FBXL13: variants seen among roughly 807,000 people sequenced by gnomAD.
The protein encoded by FBXL13 is F-box and leucine-rich repeat protein 13.
FBXL13 carries 67 observed loss-of-function variants against 83.6 expected under a neutral mutation model. The ratio of observed to expected loss-of-function variants is 0.80; its 90% CI spans 0.66 to 0.98. The LOEUF (loss-of-function observed/expected upper bound fraction) is 0.98. Among genes scored for constraint, FBXL13 ranks in the 50% least tolerant of loss-of-function variants. The pLI, the probability that FBXL13 is intolerant of heterozygous loss-of-function variation, is 0.00. For synonymous variants in FBXL13, 272 were observed against 299.5 expected (o/e 0.91, Z 0.95); for missense variants, 822 against 866.5 (o/e 0.95, Z 0.64).
At chr7:103,027,686 A>G in intron 4 of FBXL13, 128 bp from the exon 6 acceptor site, 3 of 534,692 alleles carry the variant, frequency 5.6e-6, no homozygotes. Flanking sequence ...GTTTGGTCTT[A>G]TTTACACTTG....
intron 8 of FBXL13, among the ~76,000 whole-genome samples, chr7:102,953,092 C>A (rs1190363916): frequency 6.6e-6 from 1 of 152,090 alleles, no homozygotes; most frequent in Non-Finnish European, 1.5e-5. Flanking sequence ...AACTTTAAAC[C>A]AAACATTAAT....
At chr7:102,887,416 C>CAT (rs558532003) in intron 11 of FBXL13, among the ~76,000 whole-genome samples, 2 of 108,608 alleles carry the variant, frequency 1.8e-5, no homozygotes, top group Non-Finnish European at 3.8e-5. Flanking sequence ...TACATACATA[C>CAT]ACACACACAC....
At chr7:102,879,439 A>ATATGTGTG (rs1554433894) in intron 14 of FBXL13, among the ~76,000 whole-genome samples, 1 of 144,698 alleles carries the variant, frequency 6.9e-6, no homozygotes, top group Admixed American at 6.9e-5. Flanking sequence ...GCAGTTAAGG[A>ATATGTGTG]TGTGTGTGTG....
chr7:102,890,339 A>G (rs962556926), intron 11 of FBXL13, among the ~76,000 whole-genome samples: 1 of 152,204 alleles, frequency 6.6e-6, no homozygotes. Flanking sequence ...GTTTGGTTGT[A>G]AAGTGATTTT....
chr7:102,974,036 G>A (rs1827121150), intron 6 of FBXL13, among the ~76,000 whole-genome samples: 1 of 152,098 alleles, frequency 6.6e-6, no homozygotes, highest in Non-Finnish European at 1.5e-5. Context: ...CCTACCCTCA[G>A]TTATGGGAAA....
At chr7:102,854,713 A>AAAAAAAAG in intron 17 of FBXL13, 64 bp downstream of exon 18, 1 of 1,016,058 alleles carries the variant, frequency 9.8e-7, no homozygotes, top group East Asian at 2.9e-5. Context: ...TATTCATTGG[A>AAAAAAAAG]AAAAAAAGAA....
At chr7:103,042,057 T>C (rs1288504818) in intron 2 of FBXL13, among the ~76,000 whole-genome samples, 5 of 152,180 alleles carry the variant, frequency 3.3e-5, no homozygotes, top group African/African-American at 9.7e-5. Context: ...ATGACACGAC[T>C]GTATATTTAG....
intron 2 of FBXL13, among the ~76,000 whole-genome samples, chr7:103,053,174 A>G (rs1300925032): frequency 6.7e-6 from 1 of 150,368 alleles, no homozygotes; most frequent in African/African-American, 2.4e-5. Flanking sequence ...TTTTGAGACG[A>G]AGTCTTGCTC....
intron 2 of FBXL13, among the ~76,000 whole-genome samples, chr7:103,042,192 G>C (rs1795786927): frequency 6.6e-6 from 1 of 152,086 alleles, no homozygotes; most frequent in African/African-American, 2.4e-5. Context: ...GACAAACAGA[G>C]AGCCAAATCA....
intron 7 of FBXL13, among the ~76,000 whole-genome samples, chr7:102,966,044 T>G (rs915102969): frequency 1.2e-4 from 18 of 152,196 alleles, no homozygotes; most frequent in Non-Finnish European, 2.9e-5. Context: ...CTTCATAAGT[T>G]AACTCAACAT....
intron 6 of FBXL13, among the ~76,000 whole-genome samples, chr7:102,994,172 T>C (rs1285924013): frequency 6.6e-6 from 1 of 152,164 alleles, no homozygotes; most frequent in Non-Finnish European, 1.5e-5. Flanking sequence ...GTTTATATGC[T>C]ATTATATAAA....
chr7:102,852,587 A>T (rs1010539976), intron 17 of FBXL13, among the ~76,000 whole-genome samples: 1 of 152,196 alleles, frequency 6.6e-6, no homozygotes, highest in Non-Finnish European at 1.5e-5. Flanking sequence ...ATGAAAAAAA[A>T]TGCTCAACAT....
chr7:102,951,381 A>AAATAAATAAATAAAT (rs1388412809), intron 8 of FBXL13, among the ~76,000 whole-genome samples: 1 of 148,722 alleles, frequency 6.7e-6, no homozygotes, highest in Non-Finnish European at 1.5e-5. Flanking sequence ...ATCTCTAAAT[A>AAATAAATAAATAAAT]AATAAATAAA....
At position 103,035,626 on chromosome 7, in the gene FBXL13, A is replaced by G. The variant is rs370098938; in HGVS notation, c.1-6208T>C. The stretch of plus-strand genomic sequence containing the variant: ...ATGCATTTAAACAACAGCTATAGAA[A>G]AAAAGTTTCAGTTCTATAAAATACT... On this transcript the variant is annotated intron_variant, in intron 2 of 19. Coordinates refer to ENST00000313221, the Ensembl canonical transcript of FBXL13. Among the ~76,000 whole-genome samples the G allele has an allele frequency of 2.6e-5, 4 of 152,352 alleles. No individual in the cohort carries two copies. The East Asian group carries it at 5.8e-4, about 22-fold the overall frequency.
At chr7:102,963,619 A>G (rs751205308) in exon 8 of FBXL13, 2 of 1,610,050 alleles carry the variant, frequency 1.2e-6, no homozygotes, top group Non-Finnish European at 1.7e-6. Context: ...CAAAGTAGAC[A>G]CTATATATTT....
At chr7:102,848,698 A>G (rs1804621020) in intron 17 of FBXL13, among the ~76,000 whole-genome samples, 1 of 152,120 alleles carries the variant, frequency 6.6e-6, no homozygotes, top group African/African-American at 2.4e-5. Flanking sequence ...TTAAGAGTAT[A>G]AAAAGCAACC....
chr7:102,814,542 A>G (rs1797732278), intron 19 of FBXL13: 1 of 152,242 alleles, frequency 6.6e-6, no homozygotes, highest in African/African-American at 2.4e-5. Flanking sequence ...AATAATTGTA[A>G]CCAAACTTAA....
intron 18 of FBXL13, among the ~76,000 whole-genome samples, chr7:102,829,417 T>C (rs982604451): frequency 6.6e-6 from 1 of 152,232 alleles, no homozygotes; most frequent in Non-Finnish European, 1.5e-5. Context: ...TGCTTTCGCT[T>C]ACCTTATCCC....
chr7:102,972,724 A>C (rs1826866678), intron 6 of FBXL13, among the ~76,000 whole-genome samples: 2 of 151,596 alleles, frequency 1.3e-5, no homozygotes, highest in South Asian at 4.1e-4. Flanking sequence ...AAAAGATAAT[A>C]AATAATAAAT....
Sources: gnomAD v4.1 joint callset for allele counts (sites outside exome capture counted in the v4.1 genomes callset) on GRCh38, gnomAD v4.1.1 for gene constraint, MANE v1.5 for transcripts, NCBI Gene and HGNC (gene_info 2026-07-23, HGNC 2026-07-21) for gene names.